Variants in ADARB2 observed in about 807,000 individuals in gnomAD.
ADARB2 encodes the protein inactive double-stranded RNA-specific editase B2.
Under a neutral mutation model 62.2 loss-of-function variants are expected in ADARB2, and 25 were observed. The observed-to-expected ratio is 0.40, with a 90% CI of 0.29 to 0.56. The LOEUF (loss-of-function observed/expected upper bound fraction) is 0.56. Ranked by LOEUF, ADARB2 falls within the 20% of genes least tolerant of loss-of-function variation. ADARB2 has a pLI of 0.43. For missense variants in ADARB2, 1,071 were observed against 1,077.4 expected (o/e 0.99, Z 0.08); for synonymous variants, 572 against 500.8 (o/e 1.14, Z -1.90).
At chr10:1,679,770 C>T (rs1834511542) in intron 1 of ADARB2, among the ~76,000 whole-genome samples, 1 of 152,170 alleles carries the variant, frequency 6.6e-6, no homozygotes, top group Non-Finnish European at 1.5e-5. Flanking sequence ...GGAGATGTTC[C>T]AACGACTGGA....
intron 4 of ADARB2, among the ~76,000 whole-genome samples, chr10:1,268,881 T>C (rs1415524090): frequency 6.6e-6 from 1 of 152,234 alleles, no homozygotes; most frequent in Non-Finnish European, 1.5e-5. Context: ...AACTTAGAAG[T>C]ATCATTTCCC....
chr10:1,304,446 G>A (rs1306148072), intron 3 of ADARB2, among the ~76,000 whole-genome samples: 3 of 151,972 alleles, frequency 2.0e-5, no homozygotes, highest in African/African-American at 4.8e-5. Context: ...ACACCCCACT[G>A]TCAACATTAG....
At chr10:1,531,093 C>G (rs181873089) in intron 1 of ADARB2, among the ~76,000 whole-genome samples, 1 of 152,334 alleles carries the variant, frequency 6.6e-6, no homozygotes, top group Admixed American at 6.5e-5. Flanking sequence ...AGCTGGCGAT[C>G]CACAGCCTAC....
intron 1 of ADARB2, among the ~76,000 whole-genome samples, chr10:1,493,470 G>A (rs1831646663): frequency 6.6e-6 from 1 of 152,094 alleles, no homozygotes; most frequent in Non-Finnish European, 1.5e-5. Flanking sequence ...GTGGCAAATT[G>A]GTCTGTTTCT....
chr10:1,552,065 G>A (rs904657236), intron 1 of ADARB2, among the ~76,000 whole-genome samples: 1 of 152,222 alleles, frequency 6.6e-6, no homozygotes, highest in East Asian at 1.9e-4. Flanking sequence ...CTCCTCCCTC[G>A]CAGCCGATCA....
rs999255489 is a variant in ADARB2, at chr10:1,733,107, C to A, written c.100+3944G>T. ...GTCCTGTGCCAAAGCTCAAATGCAACCCGACCGGCCCCGGATGATTGCGGA... is the reference window on the plus strand; with the variant it reads ...GTCCTGTGCCAAAGCTCAAATGCAAACCGACCGGCCCCGGATGATTGCGGA... On this transcript the variant is annotated intron_variant, in intron 1 of 9. Coordinates refer to ENST00000381312, the MANE Select transcript of ADARB2 (RefSeq NM_018702.4). 7.9e-5 allele frequency among the ~76,000 whole-genome samples: 12 copies of A among 152,330 alleles called. No individual in the cohort carries two copies. In the East Asian group the frequency reaches 2.3e-3, roughly 29 times the overall value.
chr10:1,382,138 A>T (rs528067793), intron 1 of ADARB2, among the ~76,000 whole-genome samples: 28 of 147,612 alleles, frequency 1.9e-4, no homozygotes, highest in African/African-American at 6.8e-4. Context: ...TAAACATTTT[A>T]AAATTAAAAT....
At chr10:1,245,238 T>TGAGGGA (rs1210850052) in intron 4 of ADARB2, among the ~76,000 whole-genome samples, 5 of 151,984 alleles carry the variant, frequency 3.3e-5, no homozygotes, top group Non-Finnish European at 4.4e-5. Context: ...ACACAGAAGA[T>TGAGGGA]GAGGGAGAGG....
At chr10:1,710,268 GA>G (rs1834934786) in intron 1 of ADARB2, among the ~76,000 whole-genome samples, 2 of 152,182 alleles carry the variant, frequency 1.3e-5, no homozygotes. Context: ...CATCATCTCT[GA>G]GTCTTAATAA....
rs371605735 is a variant in ADARB2 at position 1,565,428 on chromosome 10, G to A, written c.100+171623C>T. On this transcript the variant is annotated intron_variant, in intron 1 of 9. Transcript: ENST00000381312. The stretch of plus-strand genomic sequence containing the variant: ...CTTCTCTAAGCACGCTGTCTTCTCC[G>A]GTGCTGTCTATCTTTTTAGATCCAT... 5.3e-5 allele frequency among the ~76,000 whole-genome samples: 8 copies of A among 152,124 alleles called. No homozygotes were observed. In the East Asian group the frequency reaches 7.7e-4, roughly 15 times the overall value.
chr10:1,223,858 C>T (rs546973162), intron 6 of ADARB2, among the ~76,000 whole-genome samples: 1 of 152,216 alleles, frequency 6.6e-6, no homozygotes, highest in African/African-American at 2.4e-5. Flanking sequence ...CATCAATGCT[C>T]ATCAAGGATA....
At chr10:1,261,372 C>G in intron 4 of ADARB2, among the ~76,000 whole-genome samples, 1 of 147,290 alleles carries the variant, frequency 6.8e-6, no homozygotes, top group Non-Finnish European at 1.5e-5. Flanking sequence ...AGGCAACCTA[C>G]AAAATGGGAG....
intron 1 of ADARB2, among the ~76,000 whole-genome samples, chr10:1,551,363 C>T (rs4880867): frequency 0.58 from 87,778 of 152,036 alleles, 25,667 homozygotes; most frequent in East Asian, 0.76. Context: ...AATTATTCTC[C>T]ACTTGCTTAA....
At chr10:1,593,753 G>A (rs1218474806) in intron 1 of ADARB2, among the ~76,000 whole-genome samples, 4 of 152,108 alleles carry the variant, frequency 2.6e-5, no homozygotes, top group Non-Finnish European at 5.9e-5. Flanking sequence ...GTTGATGATG[G>A]GCAACTTTTT....
chr10:1,553,409 C>T (rs1832656676), intron 1 of ADARB2, among the ~76,000 whole-genome samples: 1 of 152,116 alleles, frequency 6.6e-6, no homozygotes, highest in Non-Finnish European at 1.5e-5. Flanking sequence ...GCGTCAGCAG[C>T]GCGAGAGGCA....
At chr10:1,444,397 A>G (rs1412972866) in intron 1 of ADARB2, among the ~76,000 whole-genome samples, 3 of 143,756 alleles carry the variant, frequency 2.1e-5, no homozygotes, top group Non-Finnish European at 4.5e-5. Flanking sequence ...ATCTATCTAC[A>G]TCCATCCATC....
chr10:1,206,642 G>C (rs562699061), intron 7 of ADARB2, among the ~76,000 whole-genome samples: 2 of 152,300 alleles, frequency 1.3e-5, no homozygotes, highest in South Asian at 4.1e-4. Flanking sequence ...GGTTCTTTCT[G>C]TGAAGATGGC....
At chr10:1,455,151 T>C (rs1831082472) in intron 1 of ADARB2, among the ~76,000 whole-genome samples, 1 of 152,212 alleles carries the variant, frequency 6.6e-6, no homozygotes, top group Non-Finnish European at 1.5e-5. Flanking sequence ...CTTACACTTA[T>C]GAATAGTTGG....
At chr10:1,196,766 CTTTCT>C (rs1836917253) in intron 8 of ADARB2, among the ~76,000 whole-genome samples, 1 of 151,972 alleles carries the variant, frequency 6.6e-6, no homozygotes, top group Admixed American at 6.6e-5. Context: ...TCTTTTCTTT[CTTTCT>C]TTTTTCTTTC....
Sources: allele counts gnomAD v4.1 joint callset (sites outside exome capture counted in the v4.1 genomes callset), GRCh38; gene constraint gnomAD v4.1.1; transcripts MANE v1.5; gene names NCBI Gene and HGNC (gene_info 2026-07-23, HGNC 2026-07-21).